Variants in SRGAP1 observed in about 807,000 individuals in gnomAD.
SRGAP1 encodes the protein SLIT-ROBO Rho GTPase activating protein 1.
In SRGAP1, 43 loss-of-function variants were observed where a neutral mutation model predicts 121.9. That is an observed-to-expected ratio of 0.35 (90% CI 0.28 to 0.46). The LOEUF (loss-of-function observed/expected upper bound fraction) is 0.46, where lower values mean the gene tolerates loss of function less well. SRGAP1 is among the 20% of genes least tolerant of loss of function. The pLI, the probability that SRGAP1 is intolerant of heterozygous loss-of-function variation, is 1.00. For synonymous variants in SRGAP1, 447 were observed against 485.4 expected, an observed-to-expected ratio of 0.92 and a Z score of 1.04; for missense variants, 1,102 against 1,350.9, an observed-to-expected ratio of 0.82 and a Z score of 2.89.
At position 64,079,080 on chromosome 12, in the gene SRGAP1, A is replaced by T; in HGVS notation, c.1287A>T (p.Arg429Ser). 2 of 1,614,024 alleles carry T rather than the reference A, an allele frequency of 1.2e-6. No homozygotes were observed. Among genetic ancestry groups the T allele is most frequent in the Non-Finnish European group, 1.7e-6 (2 of 1,179,984 alleles). Residue 429 changes from arginine (R) to serine (S), a missense_variant, in exon 9 of 22, where the codon AGA becomes AGT. This residue lies in a region of SRGAP1 where 747 missense variants were observed against 929.4 expected (regional missense o/e 0.80). Transcript: ENST00000355086. ...GTAAACCCAGCATCGCCAAGAGAAGAGCCAACCAGCAGGAAACTGAACAGT... is the reference window on the plus strand; with the variant it reads ...GTAAACCCAGCATCGCCAAGAGAAGTGCCAACCAGCAGGAAACTGAACAGT... ...YLSKPSIAKR[R>S]ANQQETEQFY...
In SRGAP1 at chr12:64,142,393, G is replaced by A; in HGVS notation, c.2979G>A (p.Leu993=). 1.2e-6 allele frequency: 2 copies of A among 1,614,032 alleles called. No individual in the cohort carries two copies. Among genetic ancestry groups the A allele is most frequent in the South Asian group, 1.1e-5 (1 of 91,056 alleles). Residue 993 remains leucine, a synonymous_variant, in exon 22 of 22, where the codon CTG becomes CTA. Transcript: ENST00000355086. The stretch of plus-strand genomic sequence containing the variant: ...CCCCTGATGTGGTGCTGGATACCCT[G>A]GAGCAAGTGAAAAACTCTCCCACCC... ...KHAPDVVLDT[L]EQVKNSPTPA...
chr12:64,086,954 T>C (rs2035956199), intron 10 of SRGAP1, 45 bp from the exon 11 acceptor site: 1 of 1,486,552 alleles, frequency 6.7e-7, no homozygotes, highest in Non-Finnish European at 9.4e-7. Context: ...ACATACACTC[T>C]GCTGATTCCT....
At chr12:63,930,210 G>A (rs2031420283) in intron 1 of SRGAP1, among the ~76,000 whole-genome samples, 1 of 151,858 alleles carries the variant, frequency 6.6e-6, no homozygotes, top group East Asian at 1.9e-4. Flanking sequence ...AGCTCCCATG[G>A]CTGGGCATGG....
rs2037109851 is a variant in SRGAP1, at chr12:64,150,759, C to A, written c.*8087C>A. ...TATATTTTTTTGTGAGATCCCATCT[C>A]TACCAAAAAAAAAAAAAATACAAAA... On this transcript the variant is annotated 3_prime_UTR_variant, in exon 22 of 22. Coordinates refer to ENST00000355086, the MANE Select transcript of SRGAP1 (RefSeq NM_020762.4). 1 of 43,700 alleles carries A rather than the reference C, an allele frequency of 2.3e-5. No individual in the cohort carries two copies. Among genetic ancestry groups the A allele is most frequent in the Non-Finnish European group, 6.5e-5 (1 of 15,448 alleles). The allele number at this position is 43,700 out of a possible 1,614,324, so 2.7% of individuals were successfully genotyped here. A position where few individuals can be genotyped will look rare whatever the true frequency, so the allele number is the denominator to read the frequency against.
intron 4 of SRGAP1, among the ~76,000 whole-genome samples, chr12:64,030,772 A>G (rs943513141): frequency 1.1e-4 from 17 of 152,312 alleles, no homozygotes; most frequent in Admixed American, 9.2e-4. Flanking sequence ...TCACTAGAGT[A>G]ATAGATATCC....
intron 1 of SRGAP1, among the ~76,000 whole-genome samples, chr12:63,949,773 T>C (rs986160934): frequency 3.9e-5 from 6 of 152,174 alleles, no homozygotes; most frequent in African/African-American, 1.4e-4. Flanking sequence ...TTGAAGCAGC[T>C]TTTCAGTTTG....
intron 4 of SRGAP1, among the ~76,000 whole-genome samples, chr12:64,040,981 G>A (rs1193967495): frequency 6.6e-6 from 1 of 152,064 alleles, no homozygotes; most frequent in Non-Finnish European, 1.5e-5. Context: ...TAGCCAAAAT[G>A]TGTAATAATT....
chr12:63,993,449 A>C (rs1264300229), intron 3 of SRGAP1, among the ~76,000 whole-genome samples: 1 of 152,168 alleles, frequency 6.6e-6, no homozygotes, highest in African/African-American at 2.4e-5. Context: ...TATTAGTGTG[A>C]ATCTGAAGCA....
At chr12:63,972,662 T>C (rs1323878672) in intron 1 of SRGAP1, among the ~76,000 whole-genome samples, 1 of 152,244 alleles carries the variant, frequency 6.6e-6, no homozygotes, top group Non-Finnish European at 1.5e-5. Context: ...TATAATACAT[T>C]ATAGTTCAAA....
rs1260810739 is a variant in SRGAP1 at position 64,149,206 on chromosome 12, C to T, written c.*6534C>T. 6.6e-6 allele frequency: 1 copy of T among 152,196 alleles called. No homozygotes were observed. The allele number at this position is 152,196 out of a possible 1,614,324, so 9.4% of individuals were successfully genotyped here. A position where few individuals can be genotyped will look rare whatever the true frequency, so the allele number is the denominator to read the frequency against. ...CTGTCAAAGGAATTGTTTTCCCAAA[C>T]TATGACGGAATAATGTTGAACTAAC... On this transcript the variant is annotated 3_prime_UTR_variant, in exon 22 of 22. Transcript: ENST00000355086.
At position 64,151,892 on chromosome 12, in the gene SRGAP1, G is replaced by A. The variant is rs1015397327; in HGVS notation, c.*9220G>A. On this transcript the variant is annotated 3_prime_UTR_variant, in exon 22 of 22. Transcript: ENST00000355086. ...TTTGTTTCATTCCAAAAAATATTCTGCAGCCCCTCTACATCCTCCAATCTG... is the reference window on the plus strand; with the variant it reads ...TTTGTTTCATTCCAAAAAATATTCTACAGCCCCTCTACATCCTCCAATCTG... The A allele has an allele frequency of 6.6e-6, 1 of 152,086 alleles. No individual in the cohort carries two copies. The highest frequency in any genetic ancestry group is 2.4e-5 in the African/African-American group (1 of 41,378). The allele number at this position is 152,086 out of a possible 1,614,324, so 9.4% of individuals were successfully genotyped here. A position where few individuals can be genotyped will look rare whatever the true frequency, so the allele number is the denominator to read the frequency against.
At chr12:63,979,174 G>A (rs575623259) in intron 1 of SRGAP1, among the ~76,000 whole-genome samples, 5 of 151,292 alleles carry the variant, frequency 3.3e-5, no homozygotes, top group African/African-American at 1.2e-4. Context: ...CGAGTAGCTG[G>A]GACTACAGGT....
intron 18 of SRGAP1, among the ~76,000 whole-genome samples, chr12:64,121,219 C>T (rs2036601664): frequency 2.0e-5 from 3 of 151,824 alleles, no homozygotes; most frequent in Admixed American, 1.3e-4. Context: ...CCCTATGTTG[C>T]CCAGGCTGGT....
intron 4 of SRGAP1, among the ~76,000 whole-genome samples, chr12:64,019,406 G>T (rs2034491933): frequency 6.6e-6 from 1 of 152,154 alleles, no homozygotes; most frequent in South Asian, 2.1e-4. Context: ...AGAATTGGTT[G>T]AGGAATTAAG....
At chr12:64,049,672 G>A (rs1044108519) in intron 6 of SRGAP1, among the ~76,000 whole-genome samples, 1 of 152,140 alleles carries the variant, frequency 6.6e-6, no homozygotes, top group African/African-American at 2.4e-5. Flanking sequence ...TGTTGAAAAC[G>A]AGTTCACTGT....
intron 14 of SRGAP1, among the ~76,000 whole-genome samples, chr12:64,096,819 T>C (rs1350586993): frequency 2.6e-5 from 4 of 152,196 alleles, no homozygotes; most frequent in Non-Finnish European, 4.4e-5. Flanking sequence ...CTGATAAATT[T>C]TGCTGACCCA....
intron 6 of SRGAP1, among the ~76,000 whole-genome samples, chr12:64,061,950 T>TC: frequency 6.6e-6 from 1 of 152,236 alleles, no homozygotes; most frequent in Admixed American, 6.5e-5. Context: ...ATTTAGATTG[T>TC]TTTTACCTTT....
Position 64,158,916 on chromosome 12 carries a change from A to G in SRGAP1, c.*16244A>G, listed in dbSNP as rs1232525817. On this transcript the variant is annotated 3_prime_UTR_variant, in exon 22 of 22. Transcript: ENST00000355086. ...GTAATCAGAGGTCAGGTTGAGGAAA[A>G]AATGATAAGAACCCTCTCTGCCCCA... 4 of 152,204 alleles carry G rather than the reference A, an allele frequency of 2.6e-5. No individual in the cohort carries two copies. 9.4% of individuals were successfully genotyped at this position (152,204 alleles called of 1,614,324 possible). A position where few individuals can be genotyped will look rare whatever the true frequency, so the allele number is the denominator to read the frequency against.
At chr12:63,969,784 ACT>A (rs1351930331) in intron 1 of SRGAP1, among the ~76,000 whole-genome samples, 2 of 150,260 alleles carry the variant, frequency 1.3e-5, no homozygotes, top group African/African-American at 2.5e-5. Flanking sequence ...ACAGAGCGAG[ACT>A]CTGTCTCAAA....
Sources: allele counts gnomAD v4.1 joint callset (sites outside exome capture counted in the v4.1 genomes callset), GRCh38; gene constraint gnomAD v4.1.1; regional missense constraint gnomAD v4.1.1; transcripts MANE v1.5; gene names NCBI Gene and HGNC (gene_info 2026-07-23, HGNC 2026-07-21).